Variants in PROS1 observed in about 807,000 individuals in gnomAD.
PROS1 encodes protein S.
PROS1 carries 29 observed loss-of-function variants against 75.9 expected under a neutral mutation model. The ratio of observed to expected loss-of-function variants is 0.38; its 90% CI spans 0.28 to 0.52. The LOEUF (loss-of-function observed/expected upper bound fraction) is 0.52. Among genes scored for constraint, PROS1 ranks in the 20% least tolerant of loss-of-function variants. PROS1 has a pLI of 0.83. For missense variants in PROS1, 680 were observed against 810.3 expected (o/e 0.84, Z 1.95); for synonymous variants, 245 against 280.6 (o/e 0.87, Z 1.27).
intron 6 of PROS1, among the ~76,000 whole-genome samples, chr3:93,905,033 C>T (rs1186920216): frequency 1.3e-5 from 2 of 152,032 alleles, no homozygotes; most frequent in East Asian, 3.9e-4. Flanking sequence ...AGATGAAGGG[C>T]TGATGTTGGA....
Position 93,898,473 on chromosome 3 carries a change from A to G in PROS1, c.824T>C (p.Leu275Pro), listed in dbSNP as rs200839461. The G allele has an allele frequency of 6.2e-7, 1 of 1,612,812 alleles. No homozygotes were observed. Among genetic ancestry groups the G allele is most frequent in the East Asian group, 2.2e-5 (1 of 44,788 alleles). ...CTCACAACTCTTCTGATCTTGGGCA[A>G]GTTTGAATCCTTTCTTCCCATCACA... The part of the protein sequence containing the change: ...CYCDGKKGFK[L>P]AQDQKSCEVV... Residue 275 changes from leucine (L) to proline (P), a missense_variant, in exon 8 of 15, where the codon CTT becomes CCT. Physicochemically the swap from Leu to Pro is moderately conservative, Grantham distance 98. Transcript: ENST00000394236.
chr3:93,901,144 G>T (rs528831269), intron 6 of PROS1, among the ~76,000 whole-genome samples: 8 of 152,242 alleles, frequency 5.3e-5, no homozygotes, highest in African/African-American at 1.7e-4. Context: ...ATTGATGTTT[G>T]CCATGTTCCT....
At chr3:93,906,304 T>A (rs527746071) in intron 4 of PROS1, among the ~76,000 whole-genome samples, 161 bp from the exon 5 acceptor site, 1 of 152,330 alleles carries the variant, frequency 6.6e-6, no homozygotes, top group East Asian at 1.9e-4. Flanking sequence ...AGTGAGCCTA[T>A]TAGGCAAATC....
intron 6 of PROS1, among the ~76,000 whole-genome samples, chr3:93,905,006 A>G (rs1455637711): frequency 6.6e-6 from 1 of 152,208 alleles, no homozygotes; most frequent in Non-Finnish European, 1.5e-5. Flanking sequence ...CAAAACCACA[A>G]CAGGAAATGA....
chr3:93,913,739 C>T (rs750254838), intron 3 of PROS1, among the ~76,000 whole-genome samples: 3 of 152,068 alleles, frequency 2.0e-5, no homozygotes, highest in Non-Finnish European at 4.4e-5. Context: ...ATATAAGCCC[C>T]AATGTATTAA....
chr3:93,959,578 T>C (rs1709669364), intron 1 of PROS1, among the ~76,000 whole-genome samples: 1 of 152,238 alleles, frequency 6.6e-6, no homozygotes, highest in African/African-American at 2.4e-5. Context: ...AAAAACTAGA[T>C]TGTCTCAAAC....
chr3:93,970,102 T>C (rs1170265751), intron 1 of PROS1, among the ~76,000 whole-genome samples: 1 of 152,116 alleles, frequency 6.6e-6, no homozygotes, highest in Admixed American at 6.5e-5. Context: ...GTAAAGATAA[T>C]TTAAGAAAAG....
At chr3:93,944,494 A>C (rs1431109631) in intron 1 of PROS1, among the ~76,000 whole-genome samples, 3 of 152,216 alleles carry the variant, frequency 2.0e-5, no homozygotes, top group Non-Finnish European at 2.9e-5. Flanking sequence ...ACTCAGGATT[A>C]AGAAACTCAC....
At chr3:93,947,547 G>T (rs781065081) in intron 1 of PROS1, among the ~76,000 whole-genome samples, 1 of 151,928 alleles carries the variant, frequency 6.6e-6, no homozygotes, top group African/African-American at 2.4e-5. Flanking sequence ...GGAGAAAGCC[G>T]ATAAAGCAAC....
At chr3:93,913,742 T>C (rs1314306891) in intron 3 of PROS1, among the ~76,000 whole-genome samples, 1 of 152,144 alleles carries the variant, frequency 6.6e-6, no homozygotes, top group Non-Finnish European at 1.5e-5. Context: ...TAAGCCCCAA[T>C]GTATTAACTC....
At chr3:93,965,501 A>C (rs1180129235) in intron 1 of PROS1, among the ~76,000 whole-genome samples, 1 of 152,104 alleles carries the variant, frequency 6.6e-6, no homozygotes, top group Non-Finnish European at 1.5e-5. Flanking sequence ...AAGGCTTCTA[A>C]TAGAGCTATA....
chr3:93,933,347 G>A (rs184754785), intron 1 of PROS1, among the ~76,000 whole-genome samples: 21 of 152,090 alleles, frequency 1.4e-4, no homozygotes, highest in Non-Finnish European at 1.5e-5. Flanking sequence ...GGCTGAGGTG[G>A]GAGGATCCCT....
At chr3:93,964,275 A>G (rs1709753255) in intron 1 of PROS1, among the ~76,000 whole-genome samples, 1 of 152,118 alleles carries the variant, frequency 6.6e-6, no homozygotes, top group African/African-American at 2.4e-5. Flanking sequence ...AAACAGCCAT[A>G]TTTTTCTTCT....
intron 12 of PROS1, among the ~76,000 whole-genome samples, chr3:93,883,037 T>C (rs907302731): frequency 1.1e-4 from 17 of 152,104 alleles, no homozygotes; most frequent in African/African-American, 4.1e-4. Flanking sequence ...ACTAGACATC[T>C]CCCCTACTGA....
At chr3:93,891,734 T>C (rs999338795) in intron 10 of PROS1, among the ~76,000 whole-genome samples, 1 of 151,908 alleles carries the variant, frequency 6.6e-6, no homozygotes, top group African/African-American at 2.4e-5. Context: ...CTAAGCACAC[T>C]GGTACCTGCT....
At chr3:93,968,567 A>T (rs1340057147) in intron 1 of PROS1, among the ~76,000 whole-genome samples, 1 of 152,046 alleles carries the variant, frequency 6.6e-6, no homozygotes, top group Admixed American at 6.6e-5. Context: ...CTAATCTCAA[A>T]TTTTTTACAT....
chr3:93,898,600 T>A (rs1333525801), intron 7 of PROS1, 31 bp from the exon 8 acceptor site: 1 of 1,609,032 alleles, frequency 6.2e-7, no homozygotes, highest in Non-Finnish European at 8.5e-7. Context: ...GCACACAAAC[T>A]TTAATATCCC....
chr3:93,973,237 T>C (rs1013576172), intron 1 of PROS1, among the ~76,000 whole-genome samples: 4 of 152,072 alleles, frequency 2.6e-5, no homozygotes, highest in Admixed American at 6.6e-5. Context: ...AGTCCAGAAA[T>C]TGCAAAAGGG....
chr3:93,877,254 CT>C, intron 13 of PROS1, 63 bp from the exon 14 acceptor site: 1 of 1,316,388 alleles, frequency 7.6e-7, no homozygotes, highest in South Asian at 1.3e-5. Context: ...TTAAGAGTGA[CT>C]TTTGAGTTTT....
Sources: gnomAD v4.1 joint callset for allele counts (sites outside exome capture counted in the v4.1 genomes callset) on GRCh38, gnomAD v4.1.1 for gene constraint, MANE v1.5 for transcripts, NCBI Gene and HGNC (gene_info 2026-07-23, HGNC 2026-07-21) for gene names.